Variants in POLA1 observed in about 807,000 individuals in gnomAD.
POLA1 encodes the protein DNA polymerase alpha 1, catalytic subunit, also known as DNA polymerase alpha catalytic subunit.
Under a neutral mutation model 124.0 loss-of-function variants are expected in POLA1, and 15 were observed. The ratio of observed to expected loss-of-function variants is 0.12; its 90% CI spans 0.08 to 0.19. The LOEUF (loss-of-function observed/expected upper bound fraction) is 0.19. POLA1 is among the 10% of genes least tolerant of loss of function. The pLI is 1.00. For synonymous variants in POLA1, 408 were observed against 389.4 expected (o/e 1.05, Z -0.56); for missense variants, 886 against 1,103.4 (o/e 0.80, Z 2.79).
chrX:24,857,409 A>AT, intron 34 of POLA1, among the ~76,000 whole-genome samples: 1 of 111,719 alleles, frequency 9.0e-6, no homozygotes, highest in East Asian at 2.8e-4. Flanking sequence ...TTGCCTTTCC[A>AT]TATAAATTTT....
chrX:24,934,816 GGGTT>G (rs1237032602), intron 36 of POLA1, among the ~76,000 whole-genome samples: 1 of 111,837 alleles, frequency 8.9e-6, no homozygotes, highest in Non-Finnish European at 1.9e-5. Context: ...TCTGCCTCCT[GGGTT>G]CAAGCAATTT....
At position 24,760,222 on chromosome X, in the gene POLA1, AT is replaced by A. The variant is rs779537945; in HGVS notation, c.2964+11239del. 2.2e-3 allele frequency among the ~76,000 whole-genome samples: 241 copies of A among 111,055 alleles called. 1 individual carries two copies. The highest frequency in any genetic ancestry group is 7.2e-3 in the African/African-American group (220 of 30,580). ...TAACTTCACTTTTTTCTCCCATATA[AT>A]TTTTTTTTCTTCTTTTCACAAATTG... On this transcript the variant is annotated intron_variant, in intron 26 of 36. Transcript: ENST00000379068.
intron 3 of POLA1, 22 bp downstream of exon 3, chrX:24,703,369 G>A (rs1028698892): frequency 9.7e-6 from 10 of 1,032,646 alleles, no homozygotes; most frequent in Non-Finnish European, 1.4e-5. Flanking sequence ...GGAGGTGGGG[G>A]CGGGGATGTT....
intron 35 of POLA1, among the ~76,000 whole-genome samples, chrX:24,890,150 C>T (rs926958697): frequency 2.8e-5 from 3 of 106,059 alleles, no homozygotes; most frequent in Non-Finnish European, 5.8e-5. Flanking sequence ...TGCAATGGTG[C>T]GATCTTGGCT....
At chrX:24,885,002 C>T (rs2047047988) in intron 34 of POLA1, among the ~76,000 whole-genome samples, 1 of 111,894 alleles carries the variant, frequency 8.9e-6, no homozygotes, top group Admixed American at 9.5e-5. Flanking sequence ...TTAGCATGTC[C>T]GTGGTTGGCA....
Position 24,743,275 on chromosome X carries a change from A to G in POLA1, c.2512A>G (p.Lys838Glu). Reference sequence around the variant, plus strand: ...TGATGGAGATACCAATAAATACAAGAAAGGACGTAAGAAAGCAGCTTATGC... The same window carrying G: ...TGATGGAGATACCAATAAATACAAGGAAGGACGTAAGAAAGCAGCTTATGC... ...EIDGDTNKYK[K>E]GRKKAAYAGG... Residue 838 changes from lysine (K) to glutamate (E), a missense_variant, in exon 23 of 37, where the codon AAA (lysine) becomes GAA (glutamate). This residue lies in a region of POLA1 where 182 missense variants were observed against 252.8 expected (regional missense o/e 0.72). Coordinates refer to ENST00000379068, the MANE Select transcript of POLA1 (RefSeq NM_001330360.2). 8.5e-7 allele frequency: 1 copy of G among 1,174,377 alleles called. No individual in the cohort carries two copies. Among genetic ancestry groups the G allele is most frequent in the Admixed American group, 2.2e-5 (1 of 44,913 alleles).
At chrX:24,808,388 A>C in intron 26 of POLA1, among the ~76,000 whole-genome samples, 1 of 112,527 alleles carries the variant, frequency 8.9e-6, no homozygotes, top group Non-Finnish European at 1.9e-5. Context: ...GATTCTGTTC[A>C]CATGCTCACG....
intron 26 of POLA1, among the ~76,000 whole-genome samples, chrX:24,765,980 C>T (rs1932896273): frequency 8.9e-6 from 1 of 112,083 alleles, no homozygotes; most frequent in Non-Finnish European, 1.9e-5. Context: ...ACTTTTTTCA[C>T]TCAACATTAT....
At chrX:24,914,181 A>G (rs1221296643) in intron 35 of POLA1, among the ~76,000 whole-genome samples, 1 of 111,134 alleles carries the variant, frequency 9.0e-6, no homozygotes, top group African/African-American at 3.3e-5. Flanking sequence ...TGTCTCAAAA[A>G]AATTTTAAAA....
At chrX:24,774,754 T>C (rs925465967) in intron 26 of POLA1, among the ~76,000 whole-genome samples, 1 of 112,810 alleles carries the variant, frequency 8.9e-6, no homozygotes, top group Non-Finnish European at 1.9e-5. Context: ...AATTGCTTTT[T>C]CTTTTCAGGG....
intron 26 of POLA1, among the ~76,000 whole-genome samples, chrX:24,765,030 C>T (rs998096373): frequency 1.8e-5 from 2 of 111,245 alleles, no homozygotes; most frequent in Admixed American, 1.9e-4. Flanking sequence ...CTACGTGGAT[C>T]ACTTCACCTC....
At chrX:24,922,084 CT>C (rs1385474736) in intron 35 of POLA1, among the ~76,000 whole-genome samples, 1 of 110,549 alleles carries the variant, frequency 9.0e-6, no homozygotes, top group African/African-American at 3.3e-5. Flanking sequence ...AAAACCCCCC[CT>C]TTTTTTGAGA....
intron 34 of POLA1, among the ~76,000 whole-genome samples, chrX:24,873,529 T>G (rs2046894899): frequency 8.9e-6 from 1 of 112,176 alleles, no homozygotes; most frequent in Admixed American, 9.5e-5. Context: ...TGTGCAACCG[T>G]TAACAAGAAC....
intron 35 of POLA1, among the ~76,000 whole-genome samples, chrX:24,892,334 T>C (rs1029393347): frequency 9.0e-6 from 1 of 111,157 alleles, no homozygotes; most frequent in African/African-American, 3.3e-5. Context: ...GACAGGATCA[T>C]TCATGTGCCA....
intron 36 of POLA1, among the ~76,000 whole-genome samples, chrX:24,939,280 A>G (rs554166381): frequency 1.8e-5 from 2 of 112,396 alleles, no homozygotes; most frequent in African/African-American, 6.4e-5. Flanking sequence ...ATATGCTTCT[A>G]TCACCAATGA....
rs766391183 is a variant in POLA1 at position 24,973,208 on chromosome X, A to G, written c.4262-22597A>G. On this transcript the variant is annotated intron_variant, in intron 36 of 36. Transcript: ENST00000379068. ...CCCGTCTCTACTAAAAATACAAAAA[A>G]TTAGCTGGGTGTGGTGGCACTTGCC... 6.3e-5 allele frequency among the ~76,000 whole-genome samples: 7 copies of G among 111,357 alleles called. No homozygotes were observed. The South Asian group carries it at 2.7e-3, about 43-fold the overall frequency.
Position 24,821,577 on chromosome X carries a change from C to T in POLA1, c.3555C>T (p.Ile1185=). 3.3e-6 allele frequency: 4 copies of T among 1,197,360 alleles called. No homozygotes were observed. The highest frequency in any genetic ancestry group is 4.5e-6 in the Non-Finnish European group (4 of 885,488). Reference sequence around the variant, plus strand: ...CTGGAGATACTGTGTCATATGTCATCTGTCAGGTAAACTATTGACATTCGT... The same window carrying T: ...CTGGAGATACTGTGTCATATGTCATTTGTCAGGTAAACTATTGACATTCGT... ...VKAGDTVSYV[I]CQDGSNLTAS... is the part of the protein sequence containing the mutation. Residue 1185 remains isoleucine, a synonymous_variant, in exon 31 of 37, where the codon ATC becomes ATT. Transcript: ENST00000379068.
intron 10 of POLA1, among the ~76,000 whole-genome samples, chrX:24,719,081 G>A (rs1443354267): frequency 9.0e-6 from 1 of 111,657 alleles, no homozygotes; most frequent in African/African-American, 3.3e-5. Context: ...CTCTTAAACA[G>A]AGTTGTCTTT....
intron 35 of POLA1, among the ~76,000 whole-genome samples, chrX:24,905,833 G>A (rs768142348): frequency 8.9e-6 from 1 of 111,878 alleles, no homozygotes; most frequent in South Asian, 3.7e-4. Flanking sequence ...AAAGTGCTAG[G>A]ATTACAGGCA....
Sources: gnomAD v4.1 joint callset for allele counts (sites outside exome capture counted in the v4.1 genomes callset) on GRCh38, gnomAD v4.1.1 for gene constraint, gnomAD v4.1.1 regional missense constraint, MANE v1.5 for transcripts, NCBI Gene and HGNC (gene_info 2026-07-23, HGNC 2026-07-21) for gene names.